The following DIS3L2 variants were observed in gnomAD, a reference collection of about 807,000 sequenced individuals.
DIS3L2 encodes the protein DIS3 like 3'-5' exoribonuclease 2, also known as DIS3-like exonuclease 2.
A neutral mutation model predicts 97.5 loss-of-function variants in DIS3L2; 34 were observed. The observed-to-expected ratio is 0.35, with a 90% CI of 0.27 to 0.46. The LOEUF (loss-of-function observed/expected upper bound fraction) is 0.46, where lower values mean the gene tolerates loss of function less well. Among genes scored for constraint, DIS3L2 ranks in the 20% least tolerant of loss-of-function variants. The pLI is 1.00. For synonymous variants in DIS3L2, 435 were observed against 445.2 expected, an observed-to-expected ratio of 0.98 and a Z score of 0.29; for missense variants, 1,038 against 1,146.0, an observed-to-expected ratio of 0.91 and a Z score of 1.36.
chr2:232,001,234 G>A (rs955646333), intron 1 of DIS3L2, among the ~76,000 whole-genome samples: 9 of 151,996 alleles, frequency 5.9e-5, no homozygotes, highest in African/African-American at 9.7e-5. Flanking sequence ...TTGTGTTTTC[G>A]ATAATAGCCA....
chr2:232,130,602 T>C lies in DIS3L2; in HGVS notation c.602-17T>C, dbSNP rs1283040209. 2 of 1,603,620 alleles carry C rather than the reference T, an allele frequency of 1.2e-6. No individual in the cohort carries two copies. The highest frequency in any genetic ancestry group is 8.5e-7 in the Non-Finnish European group (1 of 1,175,970). On this transcript the variant is annotated splice_polypyrimidine_tract_variant and intron_variant, in intron 6 of 20. Coordinates refer to ENST00000325385, the MANE Select transcript of DIS3L2 (RefSeq NM_152383.5). ...CTGGTTGATGACTCCTCTTCTCTCT[T>C]TATCTTTTTAATGTAGGAAGAGAGG... is the stretch of plus-strand genomic sequence containing the variant.
At chr2:232,043,922 C>CATATATGTCTCATATATGTCTTA (rs1300585163) in intron 5 of DIS3L2, among the ~76,000 whole-genome samples, 1 of 151,972 alleles carries the variant, frequency 6.6e-6, no homozygotes, top group Non-Finnish European at 1.5e-5. Flanking sequence ...TCTTATAGAA[C>CATATATGTCTCATATATGTCTTA]TAGTAATGAT....
intron 14 of DIS3L2, among the ~76,000 whole-genome samples, chr2:232,320,616 G>A (rs1695405206): frequency 6.6e-6 from 1 of 152,206 alleles, no homozygotes; most frequent in Admixed American, 6.5e-5. Flanking sequence ...ATAAGCTGAA[G>A]GGAAGTTGCA....
intron 9 of DIS3L2, 79 bp from the exon 10 acceptor site, chr2:232,210,240 ATTCACTG>A: frequency 9.3e-7 from 1 of 1,074,614 alleles, no homozygotes. Flanking sequence ...CATATGCAAA[ATTCACTG>A]TTCTTTAAAG....
In DIS3L2 at chr2:232,001,557, C is replaced by CTTTTTTTTT. The variant is rs57766848; in HGVS notation, c.-93-13263_-93-13255dup. On this transcript the variant is annotated intron_variant, in intron 1 of 20. Transcript: ENST00000325385. ...CTTAGCTTAGTGGAATGCCATTTGT[C>CTTTTTTTTT]TTTTTTTTTTTTTTTTTTTTTTTGC... 6.9e-3 allele frequency among the ~76,000 whole-genome samples: 426 copies of CTTTTTTTTT among 61,900 alleles called. 2 individuals are homozygous for CTTTTTTTTT. Among genetic ancestry groups the CTTTTTTTTT allele is most frequent in the Non-Finnish European group, 7.9e-3 (280 of 35,224 alleles). The allele number at this position is 61,900 out of a possible 152,430, so 40.6% of individuals were successfully genotyped here. A position where few individuals can be genotyped will look rare whatever the true frequency, so the allele number is the denominator to read the frequency against.
chr2:232,259,301 GA>G (rs879859062), intron 12 of DIS3L2, among the ~76,000 whole-genome samples: 81 of 144,974 alleles, frequency 5.6e-4, no homozygotes, highest in South Asian at 8.8e-4. Flanking sequence ...GCCCATTAAG[GA>G]AAAAAAAAAA....
intron 5 of DIS3L2, among the ~76,000 whole-genome samples, chr2:232,074,903 A>AATGG (rs1208084127): frequency 2.6e-5 from 4 of 152,190 alleles, no homozygotes; most frequent in Admixed American, 2.6e-4. Flanking sequence ...ATAGTGAAAG[A>AATGG]ATGGCTAAGG....
At chr2:232,112,761 T>A (rs540303409) in intron 6 of DIS3L2, among the ~76,000 whole-genome samples, 1 of 152,170 alleles carries the variant, frequency 6.6e-6, no homozygotes, top group East Asian at 1.9e-4. Flanking sequence ...GGAACAGATT[T>A]GCAGGCAGAA....
At chr2:232,250,542 C>T (rs999406140) in intron 12 of DIS3L2, among the ~76,000 whole-genome samples, 1 of 148,732 alleles carries the variant, frequency 6.7e-6, no homozygotes, top group African/African-American at 2.5e-5. Flanking sequence ...CAGAAATTGA[C>T]AGTACCAGAT....
intron 1 of DIS3L2, among the ~76,000 whole-genome samples, chr2:231,982,644 T>G (rs1250086091): frequency 6.6e-6 from 1 of 152,100 alleles, no homozygotes; most frequent in East Asian, 1.9e-4. Context: ...ACTAAATAAT[T>G]TCTACATTTG....
chr2:232,053,120 A>C (rs577094365), intron 5 of DIS3L2, among the ~76,000 whole-genome samples: 2 of 152,208 alleles, frequency 1.3e-5, no homozygotes, highest in Non-Finnish European at 2.9e-5. Context: ...TTAATTCATG[A>C]GGAGACAATG....
rs143389607 is a variant in DIS3L2, at chr2:232,265,830, G to A, written c.1659+2390G>A. On this transcript the variant is annotated intron_variant, in intron 13 of 20. Coordinates refer to ENST00000325385, the MANE Select transcript of DIS3L2 (RefSeq NM_152383.5). ...CTTTTTAAAGAAATCAAATGGTAAC[G>A]TATGAACAGTGAATTGTGAGTGTAG... Among the ~76,000 whole-genome samples, 5 of 152,302 alleles carry A rather than the reference G, an allele frequency of 3.3e-5. No individual in the cohort carries two copies. The South Asian group carries it at 8.3e-4, about 25-fold the overall frequency.
intron 6 of DIS3L2, among the ~76,000 whole-genome samples, chr2:232,092,753 A>T (rs1007502469): frequency 6.6e-6 from 1 of 152,122 alleles, no homozygotes; most frequent in African/African-American, 2.4e-5. Flanking sequence ...TTTATATCCT[A>T]AAAGTTTACT....
intron 12 of DIS3L2, among the ~76,000 whole-genome samples, chr2:232,262,917 A>C (rs577519737): frequency 6.6e-6 from 1 of 152,078 alleles, no homozygotes; most frequent in African/African-American, 2.4e-5. Flanking sequence ...GAAACTAATG[A>C]AAAAGCCTCC....
At chr2:232,263,768 A>G (rs899762682) in intron 13 of DIS3L2, among the ~76,000 whole-genome samples, 1 of 152,154 alleles carries the variant, frequency 6.6e-6, no homozygotes, top group Non-Finnish European at 1.5e-5. Flanking sequence ...CCAGTCTGTG[A>G]TCCTCACCTC....
At chr2:232,120,564 T>G (rs1237852866) in intron 6 of DIS3L2, among the ~76,000 whole-genome samples, 6 of 152,156 alleles carry the variant, frequency 3.9e-5, no homozygotes, top group Non-Finnish European at 8.8e-5. Flanking sequence ...TTGAATGCAT[T>G]GAGCACAGTG....
chr2:232,244,739 C>T (rs1693201825), intron 11 of DIS3L2, among the ~76,000 whole-genome samples: 1 of 152,144 alleles, frequency 6.6e-6, no homozygotes, highest in East Asian at 1.9e-4. Context: ...AGGTTTTCTG[C>T]TGAGAAAGAT....
At chr2:232,238,142 A>G (rs999847098) in intron 10 of DIS3L2, among the ~76,000 whole-genome samples, 5 of 152,194 alleles carry the variant, frequency 3.3e-5, no homozygotes, top group African/African-American at 1.2e-4. Context: ...AAGGAAGGGC[A>G]GAGCTTTCAG....
In DIS3L2 at chr2:232,238,653, T is replaced by C; in HGVS notation, c.1317+8T>C. On this transcript the variant is annotated splice_region_variant and intron_variant, in intron 11 of 20. Coordinates refer to ENST00000325385, the MANE Select transcript of DIS3L2 (RefSeq NM_152383.5). ...GTCTACTTGGTTCAAAAGGTAAAAA[T>C]CCATCTCTAGTTTCTTTTTTCTTGC... The C allele has an allele frequency of 1.2e-6, 2 of 1,607,792 alleles. No homozygotes were observed. Among genetic ancestry groups the C allele is most frequent in the Non-Finnish European group, 1.7e-6 (2 of 1,176,440 alleles).
Sources: allele counts gnomAD v4.1 joint callset (sites outside exome capture counted in the v4.1 genomes callset), GRCh38; gene constraint gnomAD v4.1.1; transcripts MANE v1.5; gene names NCBI Gene and HGNC (gene_info 2026-07-23, HGNC 2026-07-21).